TGFBR3: variants seen among roughly 807,000 people sequenced by gnomAD.
TGFBR3 encodes the protein transforming growth factor beta receptor 3.
In TGFBR3, 46 loss-of-function variants were observed where a neutral mutation model predicts 87.9. The ratio of observed to expected loss-of-function variants is 0.52; its 90% confidence interval spans 0.41 to 0.67. The LOEUF is 0.67. Among genes scored for constraint, TGFBR3 ranks in the 30% least tolerant of loss-of-function variants. TGFBR3 has a pLI of 0.00. For missense variants in TGFBR3, 866 were observed against 1,041.9 expected (o/e 0.83, Z 2.32); for synonymous variants, 381 against 391.6 (o/e 0.97, Z 0.32).
At chr1:91,708,283 A>C (rs7519139) in intron 14 of TGFBR3, among the ~76,000 whole-genome samples, 24,008 of 152,090 alleles carry the variant, frequency 0.16, 2,256 homozygotes, top group East Asian at 0.39. Flanking sequence ...GCCAGCATAA[A>C]CTTTAGCAGT....
chr1:91,732,564 G>A (rs1672811775), intron 5 of TGFBR3, among the ~76,000 whole-genome samples: 1 of 152,222 alleles, frequency 6.6e-6, no homozygotes, highest in South Asian at 2.1e-4. Flanking sequence ...ATTCTGGGAA[G>A]TGGGGGATGA....
rs535777467 is a variant in TGFBR3 at position 91,702,776 on chromosome 1, G to A, written c.2288-4646C>T. 3.3e-5 allele frequency among the ~76,000 whole-genome samples: 5 copies of A among 152,264 alleles called. No homozygotes were observed. The East Asian group carries it at 9.7e-4, about 29-fold the overall frequency. On this transcript the variant is annotated intron_variant, in intron 14 of 16. Coordinates refer to ENST00000212355, the MANE Select transcript of TGFBR3 (RefSeq NM_003243.5). ...ATGTAAAATACTGGCCGGGAGCGGT[G>A]GCTCAGGCCTGTAATCCCAGCACTT...
intron 16 of TGFBR3, among the ~76,000 whole-genome samples, chr1:91,688,059 A>C (rs1182581243): frequency 2.0e-5 from 3 of 152,132 alleles, no homozygotes; most frequent in Non-Finnish European, 2.9e-5. Context: ...TATCATTTTC[A>C]AATTTCATTC....
At chr1:91,809,450 G>A (rs1675954002) in intron 2 of TGFBR3, among the ~76,000 whole-genome samples, 1 of 152,124 alleles carries the variant, frequency 6.6e-6, no homozygotes, top group African/African-American at 2.4e-5. Flanking sequence ...ACTGTAAGAG[G>A]GTCAGGAAGG....
At chr1:91,745,571 C>CA (rs897339748) in intron 4 of TGFBR3, among the ~76,000 whole-genome samples, 6 of 152,146 alleles carry the variant, frequency 3.9e-5, no homozygotes. Flanking sequence ...CAAAGTCCAG[C>CA]AAAAACAAAC....
intron 3 of TGFBR3, among the ~76,000 whole-genome samples, chr1:91,763,212 AT>A (rs1353967483): frequency 1.3e-5 from 2 of 152,244 alleles, no homozygotes; most frequent in Non-Finnish European, 2.9e-5. Flanking sequence ...CATTTCTACC[AT>A]AGAGATTTCA....
rs558202878 is a variant in TGFBR3 at position 91,875,104 on chromosome 1, C to T, written c.-114+10774G>A. On this transcript the variant is annotated intron_variant, in intron 1 of 16. Coordinates refer to ENST00000212355, the MANE Select transcript of TGFBR3 (RefSeq NM_003243.5). The stretch of plus-strand genomic sequence containing the variant: ...TTCCATTTGACAATATATCTATAAA[C>T]CAGGCCCATGCTACACACCTAGAAT... Among the ~76,000 whole-genome samples, 4 of 152,188 alleles carry T rather than the reference C, an allele frequency of 2.6e-5. No individual in the cohort carries two copies. In the South Asian group the frequency reaches 6.2e-4, roughly 24 times the overall value.
At chr1:91,737,780 G>A (rs1296553426) in intron 4 of TGFBR3, among the ~76,000 whole-genome samples, 3 of 152,256 alleles carry the variant, frequency 2.0e-5, no homozygotes, top group Non-Finnish European at 2.9e-5. Flanking sequence ...TTGTCAGAGC[G>A]TCAACAGGAT....
At chr1:91,761,925 A>G (rs1436012616) in intron 3 of TGFBR3, among the ~76,000 whole-genome samples, 1 of 152,224 alleles carries the variant, frequency 6.6e-6, no homozygotes, top group Non-Finnish European at 1.5e-5. Flanking sequence ...ACTACAGCAA[A>G]TAAATATCCC....
chr1:91,848,562 G>GA lies in TGFBR3; in HGVS notation c.61+12908dup, dbSNP rs201709686. Among the ~76,000 whole-genome samples, 1,128 of 152,162 alleles carry GA rather than the reference G, an allele frequency of 7.4e-3. 16 individuals carry two copies. The highest frequency in any genetic ancestry group is 0.026 in the African/African-American group (1,065 of 41,518). ...TTTAAAAGTGATTATTTTCTTTATA[G>GA]AAAAAAATCTGTTGTATCATGCTCC... On this transcript the variant is annotated intron_variant, in intron 2 of 16. Coordinates refer to ENST00000212355, the MANE Select transcript of TGFBR3 (RefSeq NM_003243.5).
At chr1:91,780,883 C>T (rs913351756) in intron 3 of TGFBR3, among the ~76,000 whole-genome samples, 23 of 107,214 alleles carry the variant, frequency 2.1e-4, no homozygotes, top group African/African-American at 8.6e-4. Context: ...AACTAGAGAA[C>T]TACACACACA....
At position 91,680,565 on chromosome 1, in the gene TGFBR3, C is replaced by A; in HGVS notation, c.*3174G>T. ...CAAAATCAGGCTCATTCAGGAAAAA[C>A]CAGAAGAGAGAAGTATTGTATTTGG... On this transcript the variant is annotated 3_prime_UTR_variant, in exon 17 of 17. Transcript: ENST00000212355. The A allele has an allele frequency of 2.2e-6, 1 of 453,844 alleles. No homozygotes were observed. The highest frequency in any genetic ancestry group is 4.4e-6 in the Non-Finnish European group (1 of 226,760). 28.1% of individuals were successfully genotyped at this position (453,844 alleles called of 1,614,324 possible). A position where few individuals can be genotyped will look rare whatever the true frequency, so the allele number is the denominator to read the frequency against.
intron 3 of TGFBR3, among the ~76,000 whole-genome samples, chr1:91,791,001 T>C (rs1675170288): frequency 6.6e-6 from 1 of 152,186 alleles, no homozygotes. Context: ...GGGGAAGGAT[T>C]ACATATAGAT....
intron 2 of TGFBR3, among the ~76,000 whole-genome samples, chr1:91,857,677 G>A (rs894480170): frequency 2.8e-4 from 43 of 152,202 alleles, no homozygotes; most frequent in Admixed American, 2.6e-3. Context: ...AGTGGCTCAC[G>A]CCTTTAATCC....
intron 1 of TGFBR3, among the ~76,000 whole-genome samples, chr1:91,881,491 C>T (rs1389273108): frequency 1.3e-5 from 2 of 152,128 alleles, no homozygotes; most frequent in Non-Finnish European, 2.9e-5. Context: ...TGAATAAGGA[C>T]AATTAATTTG....
intron 13 of TGFBR3, among the ~76,000 whole-genome samples, chr1:91,710,929 C>G (rs539993095): frequency 6.6e-6 from 1 of 152,198 alleles, no homozygotes; most frequent in Non-Finnish European, 1.5e-5. Flanking sequence ...ACTCTCTTTA[C>G]GATTAATTTT....
intron 1 of TGFBR3, chr1:91,864,423 C>G (rs1347416724): frequency 6.6e-6 from 1 of 152,212 alleles, no homozygotes; most frequent in African/African-American, 2.4e-5. Flanking sequence ...CAAACCACAG[C>G]AAGTTTACAC....
intron 15 of TGFBR3, among the ~76,000 whole-genome samples, chr1:91,697,498 A>G (rs758994464): frequency 3.9e-5 from 6 of 152,218 alleles, no homozygotes; most frequent in Non-Finnish European, 8.8e-5. Flanking sequence ...CTCAATGCCA[A>G]TGAGGCAGGA....
In TGFBR3 at chr1:91,746,362, A is replaced by G. The variant is rs1673345310; in HGVS notation, c.385-11403T>C. On this transcript the variant is annotated intron_variant, in intron 4 of 16. Transcript: ENST00000212355. ...GCTTTCTAATATAGTTTTCCAAAGTAGAGTCCCAGGCCACACAGGAATCCT... is the reference window on the plus strand; with the variant it reads ...GCTTTCTAATATAGTTTTCCAAAGTGGAGTCCCAGGCCACACAGGAATCCT... Among the ~76,000 whole-genome samples the G allele has an allele frequency of 2.0e-5, 3 of 152,238 alleles. 1 individual carries two copies. Among genetic ancestry groups the G allele is most frequent in the Admixed American group, 6.5e-5 (1 of 15,288 alleles).
Sources: allele counts gnomAD v4.1 joint callset (sites outside exome capture counted in the v4.1 genomes callset), GRCh38; gene constraint gnomAD v4.1.1; transcripts MANE v1.5; gene names NCBI Gene and HGNC (gene_info 2026-07-23, HGNC 2026-07-21).